The following SIRPA variants were observed in gnomAD, a reference collection of about 807,000 sequenced individuals.
SIRPA encodes the protein tyrosine-protein phosphatase non-receptor type substrate 1.
SIRPA carries 9 observed loss-of-function variants against 50.3 expected under a neutral mutation model. The observed-to-expected ratio is 0.18, with a 90% CI of 0.11 to 0.31. SIRPA has a LOEUF of 0.31. Ranked by LOEUF, SIRPA falls within the 10% of genes least tolerant of loss-of-function variation. The pLI is 1.00. For synonymous variants in SIRPA, 265 were observed against 284.1 expected (o/e 0.93, Z 0.68); for missense variants, 474 against 661.6 (o/e 0.72, Z 3.11).
chr20:1,895,435 G>A lies in SIRPA; in HGVS notation c.-13G>A. 7.2e-7 allele frequency: 1 copy of A among 1,394,236 alleles called. No individual in the cohort carries two copies. 86.4% of individuals were successfully genotyped at this position (1,394,236 alleles called of 1,614,324 possible). A position where few individuals can be genotyped will look rare whatever the true frequency, so the allele number is the denominator to read the frequency against. The stretch of plus-strand genomic sequence containing the variant: ...CACGGCCGCTCTCCCTCCTCGCTCC[G>A]CAGCCGCGGCCCATGGAGCCCGCCG... On this transcript the variant is annotated 5_prime_UTR_variant, in exon 1 of 8. Coordinates refer to ENST00000358771, the MANE Select transcript of SIRPA (RefSeq NM_001040023.2).
chr20:1,936,704 A>C lies in SIRPA; in HGVS notation c.1267-616A>C, dbSNP rs548375458. On this transcript the variant is annotated intron_variant, in intron 7 of 7. Transcript: ENST00000358771. The surrounding 1 kb of genome is among the most constrained non-coding windows in gnomAD (Gnocchi z 4.2). The stretch of plus-strand genomic sequence containing the variant: ...CAGCCTTGGTTTCTGAATCATAACA[A>C]ATGCCCAGTGAATATTTGTGGAATA... Among the ~76,000 whole-genome samples the C allele has an allele frequency of 6.6e-6, 1 of 152,284 alleles. No individual in the cohort carries two copies. The highest frequency in any genetic ancestry group is 1.9e-4 in the East Asian group (1 of 5,180).
At chr20:1,907,711 C>G (rs1037587129) in intron 1 of SIRPA, among the ~76,000 whole-genome samples, 30 of 152,240 alleles carry the variant, frequency 2.0e-4, no homozygotes, top group Admixed American at 2.0e-3. Flanking sequence ...CTAAGATAGT[C>G]TCAAGGGCAA....
At chr20:1,899,813 T>C (rs1984062016) in intron 1 of SIRPA, among the ~76,000 whole-genome samples, 2 of 152,240 alleles carry the variant, frequency 1.3e-5, no homozygotes, top group African/African-American at 4.8e-5. Flanking sequence ...TGCTCATCTG[T>C]AAAAGAGGAA....
At chr20:1,895,094 C>G (rs1158338821), upstream of SIRPA, among the ~76,000 whole-genome samples, 1 of 151,524 alleles carries the variant, frequency 6.6e-6, no homozygotes, top group African/African-American at 2.4e-5. Context: ...GCTCCTCGCT[C>G]TCCCCCTCTT....
At chr20:1,910,394 A>G (rs1373455486) in intron 1 of SIRPA, among the ~76,000 whole-genome samples, 1 of 152,218 alleles carries the variant, frequency 6.6e-6, no homozygotes, top group Non-Finnish European at 1.5e-5. Flanking sequence ...AAAAAATACA[A>G]TATATGATGT....
Position 1,927,695 on chromosome 20 carries a change from G to T in SIRPA, c.1202-180G>T, listed in dbSNP as rs1275618547. On this transcript the variant is annotated intron_variant, in intron 5 of 7. Coordinates refer to ENST00000358771, the MANE Select transcript of SIRPA (RefSeq NM_001040023.2). The surrounding 1 kb of genome is among the most constrained non-coding windows in gnomAD (Gnocchi z 6.5). ...GACCATCTAGCTTACTCCTTCCCAG[G>T]CTTCCTTGGTGGAAGAGGATGCCCA... Among the ~76,000 whole-genome samples, 1 of 152,228 alleles carries T rather than the reference G, an allele frequency of 6.6e-6. No homozygotes were observed. The highest frequency in any genetic ancestry group is 1.5e-5 in the Non-Finnish European group (1 of 68,038).
At chr20:1,919,988 CAG>C (rs1027496991) in intron 2 of SIRPA, among the ~76,000 whole-genome samples, 4 of 152,242 alleles carry the variant, frequency 2.6e-5, no homozygotes, top group Non-Finnish European at 4.4e-5. Flanking sequence ...ATAACAGTCA[CAG>C]GGGTCATTTA....
Position 1,927,515 on chromosome 20 carries a change from G to A in SIRPA, c.1202-360G>A, listed in dbSNP as rs1006172033. 3.3e-5 allele frequency among the ~76,000 whole-genome samples: 5 copies of A among 152,312 alleles called. No individual in the cohort carries two copies. The highest frequency in any genetic ancestry group is 1.2e-4 in the African/African-American group (5 of 41,564). ...CTGCTAGAATCTGTTTTCAAGCCAC[G>A]AAGGGCACTGATTGGGACCTAGGCT... is the stretch of plus-strand genomic sequence containing the variant. On this transcript the variant is annotated intron_variant, in intron 5 of 7. Transcript: ENST00000358771. This position sits in a 1 kb window ranked among gnomAD's most constrained non-coding sequence, Gnocchi z 6.5.
At chr20:1,915,952 T>C (rs1985261946) in intron 2 of SIRPA, among the ~76,000 whole-genome samples, 1 of 152,242 alleles carries the variant, frequency 6.6e-6, no homozygotes. Flanking sequence ...TGTGTTTCCT[T>C]TATTTCATCA....
intron 5 of SIRPA, among the ~76,000 whole-genome samples, 191 bp downstream of exon 5, chr20:1,925,068 C>T (rs62192721): frequency 2.3e-3 from 357 of 152,286 alleles, no homozygotes; most frequent in African/African-American, 8.2e-3. Context: ...TGGCTTCCCC[C>T]TCATGGTTAC....
intron 6 of SIRPA, among the ~76,000 whole-genome samples, chr20:1,929,855 C>T (rs1301563568): frequency 6.6e-6 from 1 of 152,212 alleles, no homozygotes; most frequent in African/African-American, 2.4e-5. Flanking sequence ...GTGGCTCTAC[C>T]TGTCCCTCCA....
intron 1 of SIRPA, among the ~76,000 whole-genome samples, chr20:1,899,404 A>G (rs1183769950): frequency 1.3e-5 from 2 of 152,146 alleles, no homozygotes; most frequent in Admixed American, 6.5e-5. Flanking sequence ...AAGCCCTGCA[A>G]TGTAGAATCC....
Position 1,937,453 on chromosome 20 carries a change from C to T in SIRPA, c.1400C>T (p.Thr467Ile), listed in dbSNP as rs1320556144. ...QTSPQPASED[T>I]LTYADLDMVH... ...AGCCCGCAGCCCGCGTCGGAGGACACCCTCACCTATGCTGACCTGGACATG... is the reference window on the plus strand; with the variant it reads ...AGCCCGCAGCCCGCGTCGGAGGACATCCTCACCTATGCTGACCTGGACATG... Residue 467 changes from threonine (T) to isoleucine (I), a missense_variant, in exon 8 of 8, where the codon ACC becomes ATC. By Grantham distance (89) the Thr-to-Ile change is moderately conservative (BLOSUM62 -1). Around this residue, in one of 4 missense-constraint regions of SIRPA, gnomAD observed 180 missense variants for 206.7 expected, o/e 0.87. Coordinates refer to ENST00000358771, the MANE Select transcript of SIRPA (RefSeq NM_001040023.2). The surrounding 1 kb of genome is among the most constrained non-coding windows in gnomAD (Gnocchi z 8.3). 8.7e-6 allele frequency: 14 copies of T among 1,614,004 alleles called. No homozygotes were observed. The highest frequency in any genetic ancestry group is 1.6e-4 in the Middle Eastern group (1 of 6,084).
chr20:1,915,580 C>A, intron 2 of SIRPA, 125 bp downstream of exon 2: 1 of 1,184,576 alleles, frequency 8.4e-7, no homozygotes, highest in South Asian at 1.4e-5. Context: ...TGATGTCTCC[C>A]CCTTTTACAA....
intron 1 of SIRPA, among the ~76,000 whole-genome samples, chr20:1,900,096 T>A (rs972202779): frequency 5.1e-5 from 7 of 137,094 alleles, no homozygotes; most frequent in African/African-American, 2.3e-4. Flanking sequence ...TGTAGCTTTT[T>A]TTTTTTCTTT....
intron 1 of SIRPA, among the ~76,000 whole-genome samples, chr20:1,909,479 A>G (rs900059308): frequency 2.6e-5 from 4 of 151,968 alleles, no homozygotes; most frequent in Non-Finnish European, 4.4e-5. Context: ...TTTTTTTTCT[A>G]TTAGAAAAAA....
At position 1,927,280 on chromosome 20, in the gene SIRPA, A is replaced by G. The variant is rs901306380; in HGVS notation, c.1202-595A>G. On this transcript the variant is annotated intron_variant, in intron 5 of 7. Transcript: ENST00000358771. This position sits in a 1 kb window ranked among gnomAD's most constrained non-coding sequence, Gnocchi z 6.5. The stretch of plus-strand genomic sequence containing the variant: ...GAGGCTTCTCTGTGGGTTACCCCAT[A>G]TCACAGGTTTAAAACCTCTGAACCA... Among the ~76,000 whole-genome samples, 6 of 152,216 alleles carry G rather than the reference A, an allele frequency of 3.9e-5. No individual in the cohort carries two copies. The highest frequency in any genetic ancestry group is 1.5e-5 in the Non-Finnish European group (1 of 68,032).
At chr20:1,907,253 C>T (rs1457479766) in intron 1 of SIRPA, among the ~76,000 whole-genome samples, 1 of 152,200 alleles carries the variant, frequency 6.6e-6, no homozygotes, top group African/African-American at 2.4e-5. Context: ...ACACGCATCC[C>T]CATTTTTGGT....
chr20:1,935,819 G>C (rs1416227457), intron 7 of SIRPA, among the ~76,000 whole-genome samples: 2 of 152,184 alleles, frequency 1.3e-5, no homozygotes, highest in Non-Finnish European at 2.9e-5. Context: ...CGATTCCAGT[G>C]CCAGGTGCCA....
Sources: gnomAD v4.1 joint callset for allele counts (sites outside exome capture counted in the v4.1 genomes callset) on GRCh38, gnomAD v4.1.1 for gene constraint, gnomAD v4.1.1 regional missense constraint, Gnocchi (gnomAD v3.1) non-coding constraint, MANE v1.5 for transcripts, NCBI Gene and HGNC (gene_info 2026-07-23, HGNC 2026-07-21) for gene names.